The following ASMT variants were observed in gnomAD, a reference collection of about 807,000 sequenced individuals.
ASMT encodes acetylserotonin O-methyltransferase, also known as acetylserotonin N-methyltransferase.
Under a neutral mutation model 41.3 loss-of-function variants are expected in ASMT, and 53 were observed. The observed-to-expected ratio is 1.28, with a 90% CI of 1.03 to 1.61. ASMT has a LOEUF of 1.61. Among genes scored for constraint, ASMT ranks in the 40% most tolerant of loss-of-function variants. The probability of loss-of-function intolerance (pLI) is 0.00; values close to 1 mark genes in which losing one functional copy is unlikely to be tolerated. For synonymous variants in ASMT, 231 were observed against 184.8 expected (o/e 1.25, Z -2.03); for missense variants, 531 against 441.3 (o/e 1.20, Z -1.82).
chrX:1,634,423 T>C (rs778398902), intron 7 of ASMT, among the ~76,000 whole-genome samples: 1 of 152,286 alleles, frequency 6.6e-6, no homozygotes, highest in African/African-American at 2.4e-5. Context: ...TACATAGACA[T>C]GGCAGACACC....
intron 8 of ASMT, among the ~76,000 whole-genome samples, chrX:1,641,265 AGCCTC>A (rs1424402440): frequency 8.7e-5 from 1 of 11,544 alleles, no homozygotes; most frequent in Non-Finnish European, 1.4e-4. Flanking sequence ...ATGTGGGCAC[AGCCTC>A]TGTGTGTGAG....
intron 1 of ASMT, among the ~76,000 whole-genome samples, chrX:1,616,099 G>C (rs1170483920): frequency 6.6e-6 from 1 of 151,284 alleles, no homozygotes; most frequent in Non-Finnish European, 1.5e-5. Context: ...CACGGTCTTG[G>C]CTCACTGCAA....
intron 6 of ASMT, 58 bp from the exon 7 acceptor site, chrX:1,633,092 G>C: frequency 6.2e-7 from 1 of 1,608,850 alleles, no homozygotes; most frequent in Non-Finnish European, 8.5e-7. Context: ...TGTGTGGAGG[G>C]TGAGCGATGT....
rs143703303 is a variant in ASMT, at chrX:1,615,227, C to T, written c.28C>T (p.Arg10Cys). The T allele has an allele frequency of 5.9e-5, 94 of 1,598,558 alleles. No homozygotes were observed. The highest frequency in any genetic ancestry group is 5.0e-4 in the East Asian group (22 of 44,340). Residue 10 changes from arginine to cysteine, a missense_variant, in exon 1 of 9, where the codon CGC becomes TGC. Arg to Cys is a radical substitution (Grantham distance 180). Transcript: ENST00000381241. ...GGGATCCTCAGAGGACCAGGCCTAT[C>T]GCCTCCTTAATGACTACGCCAACGG... MGSSEDQAY[R>C]LLNDYANGFM...
At chrX:1,616,649 C>A in intron 1 of ASMT, among the ~76,000 whole-genome samples, 1 of 151,448 alleles carries the variant, frequency 6.6e-6, no homozygotes, top group Non-Finnish European at 1.5e-5. Context: ...ACGAGGGAAT[C>A]GCTTTAGCCC....
intron 8 of ASMT, among the ~76,000 whole-genome samples, chrX:1,641,870 T>A (rs1322207348): frequency 6.9e-6 from 1 of 145,514 alleles, no homozygotes; most frequent in African/African-American, 2.5e-5. Flanking sequence ...ATGGGGACAG[T>A]GTCCCAGTGT....
rs779885599 is a variant in ASMT at position 1,641,454 on chromosome X, A to G, written c.911-1349A>G. Among the ~76,000 whole-genome samples, 118 of 142,310 alleles carry G rather than the reference A, an allele frequency of 8.3e-4. 4 individuals carry two copies. The highest frequency in any genetic ancestry group is 2.4e-3 in the Admixed American group (32 of 13,496). 93.4% of individuals were successfully genotyped at this position (142,310 alleles called of 152,430 possible). A position where few individuals can be genotyped will look rare whatever the true frequency, so the allele number is the denominator to read the frequency against. On this transcript the variant is annotated intron_variant, in intron 8 of 8. Transcript: ENST00000381241. ...CAGCCGCTCTGTGTGTGATGGGGACAGTGTCCCAGCTCTCCTGTGAGGTCC... is the reference window on the plus strand; with the variant it reads ...CAGCCGCTCTGTGTGTGATGGGGACGGTGTCCCAGCTCTCCTGTGAGGTCC...
intron 1 of ASMT, among the ~76,000 whole-genome samples, chrX:1,621,193 C>A (rs113294849): frequency 1.3e-5 from 2 of 152,198 alleles, no homozygotes; most frequent in Non-Finnish European, 2.9e-5. Flanking sequence ...CTGGAAGACA[C>A]GTGGCCTGAA....
chrX:1,616,770 A>C (rs186467692), intron 1 of ASMT, among the ~76,000 whole-genome samples: 2 of 150,892 alleles, frequency 1.3e-5, no homozygotes, highest in Non-Finnish European at 3.0e-5. Context: ...GTGCAATGGC[A>C]CGATCTCGGC....
chrX:1,636,054 C>G (rs1218040390), intron 7 of ASMT, among the ~76,000 whole-genome samples: 1 of 150,086 alleles, frequency 6.7e-6, no homozygotes, highest in African/African-American at 2.4e-5. Flanking sequence ...CTCCCGGGTT[C>G]ATGCCATTCT....
At chrX:1,632,369 C>A (rs1329813983) in intron 5 of ASMT, among the ~76,000 whole-genome samples, 1 of 151,528 alleles carries the variant, frequency 6.6e-6, no homozygotes, top group Non-Finnish European at 1.5e-5. Flanking sequence ...AGGATGAGTT[C>A]GGCCGGGCGC....
At chrX:1,630,531 T>C (rs1313026278) in intron 5 of ASMT, among the ~76,000 whole-genome samples, 1 of 152,012 alleles carries the variant, frequency 6.6e-6, no homozygotes, top group Admixed American at 6.6e-5. Context: ...GGTCTCGAAC[T>C]CCTGACCTCA....
rs761147469 is a variant in ASMT at position 1,641,979 on chromosome X, T to C, written c.911-824T>C. Among the ~76,000 whole-genome samples the C allele has an allele frequency of 6.7e-5, 9 of 134,750 alleles. No individual in the cohort carries two copies. The East Asian group carries it at 2.1e-3, about 32-fold the overall frequency. 88.4% of individuals were successfully genotyped at this position (134,750 alleles called of 152,430 possible). A position where few individuals can be genotyped will look rare whatever the true frequency, so the allele number is the denominator to read the frequency against. ...TCCCAGTGTCTGTGAGGTCCACCCATCCGATGGTTCATGAGGACGTGGGCA... is the reference window on the plus strand; with the variant it reads ...TCCCAGTGTCTGTGAGGTCCACCCACCCGATGGTTCATGAGGACGTGGGCA... On this transcript the variant is annotated intron_variant, in intron 8 of 8. Coordinates refer to ENST00000381241, the MANE Select transcript of ASMT (RefSeq NM_001171038.2).
chrX:1,641,831 A>G (rs1372975985), intron 8 of ASMT, among the ~76,000 whole-genome samples: 1 of 144,224 alleles, frequency 6.9e-6, no homozygotes, highest in Non-Finnish European at 1.5e-5. Context: ...ATGGTTCATG[A>G]GGACTTGGGC....
At chrX:1,632,121 A>G (rs1245605105) in intron 5 of ASMT, among the ~76,000 whole-genome samples, 2 of 152,184 alleles carry the variant, frequency 1.3e-5, no homozygotes, top group African/African-American at 2.4e-5. Context: ...TCTGTGGCCC[A>G]TGATGGATTT....
At chrX:1,636,177 T>C (rs1934954155) in intron 7 of ASMT, 1 of 508,876 alleles carries the variant, frequency 2.0e-6, no homozygotes, top group Non-Finnish European at 3.7e-6. Flanking sequence ...CAGGATGGTC[T>C]TGATCTCCTG....
At position 1,623,157 on chromosome X, in the gene ASMT, G is replaced by A. The variant is rs762816490; in HGVS notation, c.88G>A (p.Glu30Lys). The A allele has an allele frequency of 4.3e-6, 7 of 1,612,548 alleles. No homozygotes were observed. Among genetic ancestry groups the A allele is most frequent in the Admixed American group, 3.3e-5 (2 of 59,962 alleles). ...MVSQVLFAAC[E>K]LGVFDLLAEA... is the part of the protein sequence containing the mutation. ...CTCCAAGGTTCTCTTCGCCGCCTGCGAGCTGGGCGTGTTTGACCTTCTCGC... is the reference window on the plus strand; with the variant it reads ...CTCCAAGGTTCTCTTCGCCGCCTGCAAGCTGGGCGTGTTTGACCTTCTCGC... Residue 30 changes from glutamate (E) to lysine (K), a missense_variant, in exon 2 of 9, where the codon GAG becomes AAG. Coordinates refer to ENST00000381241, the MANE Select transcript of ASMT (RefSeq NM_001171038.2).
chrX:1,619,406 A>AAAT (rs1934255563), intron 1 of ASMT, among the ~76,000 whole-genome samples: 1 of 150,852 alleles, frequency 6.6e-6, no homozygotes, highest in Non-Finnish European at 1.5e-5. Flanking sequence ...AAAAAAAAAA[A>AAAT]AAAAGTGGGG....
chrX:1,624,215 G>A (rs1934440017), intron 2 of ASMT, 54 bp from the exon 3 acceptor site: 21 of 1,612,208 alleles, frequency 1.3e-5, no homozygotes, highest in South Asian at 2.2e-5. Flanking sequence ...AGCGTCCGCC[G>A]GCAGGAACTC....
Sources: gnomAD v4.1 joint callset for allele counts (sites outside exome capture counted in the v4.1 genomes callset) on GRCh38, gnomAD v4.1.1 for gene constraint, MANE v1.5 for transcripts, NCBI Gene and HGNC (gene_info 2026-07-23, HGNC 2026-07-21) for gene names.